Variants in CDC16 observed in about 807,000 individuals in gnomAD.
CDC16 encodes the protein cell division cycle 16.
CDC16 carries 34 observed loss-of-function variants against 87.0 expected under a neutral mutation model. The ratio of observed to expected loss-of-function variants is 0.39; its 90% confidence interval spans 0.30 to 0.52. The LOEUF (loss-of-function observed/expected upper bound fraction) is 0.52. Among genes scored for constraint, CDC16 ranks in the 20% least tolerant of loss-of-function variants. The pLI is 0.74. For synonymous variants in CDC16, 263 were observed against 260.6 expected (o/e 1.01, Z -0.09); for missense variants, 653 against 751.9 (o/e 0.87, Z 1.54).
At position 114,245,120 on chromosome 13, in the gene CDC16, T is replaced by C. The variant is rs922194658; in HGVS notation, c.847+151T>C. 7 of 519,274 alleles carry C rather than the reference T, an allele frequency of 1.3e-5. No homozygotes were observed. The East Asian group carries it at 1.6e-4, about 12-fold the overall frequency. The allele number at this position is 519,274 out of a possible 1,614,324, so 32.2% of individuals were successfully genotyped here. A position where few individuals can be genotyped will look rare whatever the true frequency, so the allele number is the denominator to read the frequency against. On this transcript the variant is annotated intron_variant, in intron 9 of 17. Coordinates refer to ENST00000356221, the MANE Select transcript of CDC16 (RefSeq NM_001078645.3). ...ATAAAAGTAACAACTGGGGAGGAAATGTTTAGGAAAGTAGCAAATGGCCAA... is the reference window on the plus strand; with the variant it reads ...ATAAAAGTAACAACTGGGGAGGAAACGTTTAGGAAAGTAGCAAATGGCCAA...
chr13:114,234,962 C>T lies in CDC16; in HGVS notation c.-123C>T, dbSNP rs890070053. 2.9e-6 allele frequency: 2 copies of T among 685,532 alleles called. No individual in the cohort carries two copies. The highest frequency in any genetic ancestry group is 4.1e-6 in the Non-Finnish European group (2 of 492,012). 42.5% of individuals were successfully genotyped at this position (685,532 alleles called of 1,614,324 possible). ...GACCTGCGGCCTTCGAGTCCGCGGC[C>T]TTCGAGTCCTGGGGCGGCGGCGGCG... On this transcript the variant is annotated 5_prime_UTR_variant, in exon 1 of 18. Transcript: ENST00000356221.
intron 12 of CDC16, among the ~76,000 whole-genome samples, chr13:114,253,554 G>T (rs1390112061): frequency 1.3e-5 from 2 of 152,008 alleles, no homozygotes; most frequent in Non-Finnish European, 2.9e-5. Context: ...GCCGGGTGTG[G>T]TGGCTCACGC....
At chr13:114,243,047 G>A (rs1268821790) in intron 6 of CDC16, among the ~76,000 whole-genome samples, 1 of 152,172 alleles carries the variant, frequency 6.6e-6, no homozygotes, top group Non-Finnish European at 1.5e-5. Flanking sequence ...ACCTGCCTCA[G>A]CCCTGAAAGA....
At chr13:114,268,973 A>G (rs1021841757) in intron 17 of CDC16, among the ~76,000 whole-genome samples, 1 of 152,186 alleles carries the variant, frequency 6.6e-6, no homozygotes, top group South Asian at 2.1e-4. Flanking sequence ...CTCTTTGGAA[A>G]ACTGCTTAAT....
intron 5 of CDC16, among the ~76,000 whole-genome samples, chr13:114,239,895 T>TA (rs1266122668): frequency 2.6e-5 from 4 of 152,244 alleles, no homozygotes; most frequent in African/African-American, 9.6e-5. Flanking sequence ...CATTGCTATG[T>TA]AATTGTGTAT....
At chr13:114,259,463 A>T in intron 14 of CDC16, 65 bp downstream of exon 14, 2 of 861,266 alleles carry the variant, frequency 2.3e-6, no homozygotes, top group Non-Finnish European at 3.5e-6. Flanking sequence ...TTAAATGAGG[A>T]AAACAACACA....
intron 17 of CDC16, among the ~76,000 whole-genome samples, chr13:114,271,482 T>C (rs2083651676): frequency 6.6e-6 from 1 of 151,328 alleles, no homozygotes; most frequent in Non-Finnish European, 1.5e-5. Flanking sequence ...ACAGCACAGT[T>C]CTTTTTTTTT....
chr13:114,235,619 A>T (rs971200924), intron 1 of CDC16, among the ~76,000 whole-genome samples: 1 of 152,242 alleles, frequency 6.6e-6, no homozygotes. Context: ...CTACCTTTGA[A>T]TAGCAGAGAG....
intron 17 of CDC16, among the ~76,000 whole-genome samples, chr13:114,266,166 G>A (rs527883538): frequency 2.6e-5 from 4 of 152,264 alleles, no homozygotes; most frequent in African/African-American, 9.6e-5. Flanking sequence ...AAAAAGATCA[G>A]GTAATGTGAT....
rs745808065 is a variant in CDC16, at chr13:114,259,347, C to T, written c.1263C>T (p.Ala421=). ...CCTTTCATTTTAGATGGAAAACAGCCGAAAAATGGTTTCTTGATGCTTTGG... is the reference window on the plus strand; with the variant it reads ...CCTTTCATTTTAGATGGAAAACAGCTGAAAAATGGTTTCTTGATGCTTTGG... ...VAFQNGEWKT[A]EKWFLDALEK... Residue 421 remains alanine (A), a synonymous_variant, in exon 14 of 18, where the codon GCC becomes GCT. Coordinates refer to ENST00000356221, the MANE Select transcript of CDC16 (RefSeq NM_001078645.3). 23 of 1,570,190 alleles carry T rather than the reference C, an allele frequency of 1.5e-5. No individual in the cohort carries two copies. The East Asian group carries it at 3.8e-4, about 26-fold the overall frequency.
intron 1 of CDC16, among the ~76,000 whole-genome samples, chr13:114,235,852 C>G (rs939463219): frequency 8.5e-5 from 13 of 152,154 alleles, no homozygotes; most frequent in South Asian, 6.2e-4. Flanking sequence ...CAGTTGAATT[C>G]AGTGTTTTCT....
intron 8 of CDC16, 95 bp downstream of exon 8, chr13:114,244,084 A>T (rs1361552123): frequency 5.9e-6 from 5 of 850,528 alleles, no homozygotes; most frequent in Non-Finnish European, 9.3e-6. Context: ...ATCTTGAACT[A>T]GATGATAATT....
At chr13:114,250,518 T>C in intron 11 of CDC16, 31 bp from the exon 12 acceptor site, 2 of 1,557,228 alleles carry the variant, frequency 1.3e-6, no homozygotes, top group South Asian at 1.1e-5. Context: ...GAATAAATAC[T>C]ATATGACTTA....
chr13:114,247,842 C>T lies in CDC16; in HGVS notation c.971+838C>T, dbSNP rs1594590709. Among the ~76,000 whole-genome samples, 3 of 152,218 alleles carry T rather than the reference C, an allele frequency of 2.0e-5. No individual in the cohort carries two copies. The South Asian group carries it at 6.2e-4, about 32-fold the overall frequency. ...AGTGAGCTGATATCGCACCATTGCA[C>T]TCCAGTCTGGGTGACAAGAGCAAAA... On this transcript the variant is annotated intron_variant, in intron 11 of 17. Transcript: ENST00000356221.
chr13:114,263,135 T>C, intron 16 of CDC16, 121 bp downstream of exon 16: 1 of 810,944 alleles, frequency 1.2e-6, no homozygotes, highest in Non-Finnish European at 2.0e-6. Flanking sequence ...CAACCTTACG[T>C]GTTATTCTTT....
chr13:114,264,504 G>C (rs1040629940), intron 16 of CDC16, among the ~76,000 whole-genome samples: 1 of 151,562 alleles, frequency 6.6e-6, no homozygotes, highest in African/African-American at 2.4e-5. Flanking sequence ...AGGTTGCAGT[G>C]AGCTGAGATC....
At chr13:114,237,217 T>C (rs1030837174) in intron 3 of CDC16, among the ~76,000 whole-genome samples, 4 of 151,106 alleles carry the variant, frequency 2.6e-5, no homozygotes, top group African/African-American at 9.8e-5. Flanking sequence ...AGCAAGACTC[T>C]GTCTCAAAAA....
At position 114,241,051 on chromosome 13, in the gene CDC16, G is replaced by A. The variant is rs984713308; in HGVS notation, c.382-1070G>A. On this transcript the variant is annotated intron_variant, in intron 5 of 17. Coordinates refer to ENST00000356221, the MANE Select transcript of CDC16 (RefSeq NM_001078645.3). Reference sequence around the variant, plus strand: ...CTTCATATCCTTAATGATACTAGCTGCCTGTTGCTGGATCATCTTTAAATT... The same window carrying A: ...CTTCATATCCTTAATGATACTAGCTACCTGTTGCTGGATCATCTTTAAATT... 3.9e-5 allele frequency among the ~76,000 whole-genome samples: 6 copies of A among 152,046 alleles called. No homozygotes were observed. In the South Asian group the frequency reaches 1.2e-3, roughly 32 times the overall value.
At chr13:114,267,692 G>T (rs991849413) in intron 17 of CDC16, among the ~76,000 whole-genome samples, 1 of 151,384 alleles carries the variant, frequency 6.6e-6, no homozygotes, top group Non-Finnish European at 1.5e-5. Context: ...TCTAGATAGA[G>T]TAATCACTAA....
Sources: gnomAD v4.1 joint callset for allele counts (sites outside exome capture counted in the v4.1 genomes callset) on GRCh38, gnomAD v4.1.1 for gene constraint, MANE v1.5 for transcripts, NCBI Gene and HGNC (gene_info 2026-07-23, HGNC 2026-07-21) for gene names.